Variants in RNFT2 observed in about 807,000 individuals in gnomAD.
RNFT2 encodes the protein E3 ubiquitin-protein ligase RNFT2.
Under a neutral mutation model 53.0 loss-of-function variants are expected in RNFT2, and 36 were observed. That is an observed-to-expected ratio of 0.68 (90% CI 0.52 to 0.90). The LOEUF (loss-of-function observed/expected upper bound fraction) is 0.90. Among genes scored for constraint, RNFT2 ranks in the 40% least tolerant of loss-of-function variants. The pLI is 0.00. For synonymous variants in RNFT2, 260 were observed against 253.2 expected (o/e 1.03, Z -0.26); for missense variants, 514 against 585.6 (o/e 0.88, Z 1.26).
intron 5 of RNFT2, 74 bp from the exon 6 acceptor site, chr12:116,766,740 A>G: frequency 8.8e-7 from 1 of 1,135,542 alleles, no homozygotes; most frequent in Non-Finnish European, 1.3e-6. Context: ...AAAAGCTGCC[A>G]GTCATCAGGG....
intron 7 of RNFT2, among the ~76,000 whole-genome samples, chr12:116,821,331 G>T (rs1212193252): frequency 6.6e-6 from 1 of 152,054 alleles, no homozygotes; most frequent in African/African-American, 2.4e-5. Flanking sequence ...CTGCTGTGAA[G>T]TCAGTGGTCC....
At chr12:116,832,247 G>A (rs188375283) in intron 7 of RNFT2, among the ~76,000 whole-genome samples, 3 of 150,420 alleles carry the variant, frequency 2.0e-5, no homozygotes, top group Middle Eastern at 3.4e-3. Flanking sequence ...GACGACCAGG[G>A]ATCTGATTTC....
At chr12:116,743,245 C>CAAAAAAAAAAAAAAAAAAAAAAAAAAAAA (rs1491208112) in intron 3 of RNFT2, among the ~76,000 whole-genome samples, 1 of 27,190 alleles carries the variant, frequency 3.7e-5, no homozygotes, top group Non-Finnish European at 6.6e-5. Context: ...AAAAAAAAAA[C>CAAAAAAAAAAAAAAAAAAAAAAAAAAAAA]CGGTTAAAAA....
intron 7 of RNFT2, among the ~76,000 whole-genome samples, chr12:116,823,990 G>A (rs1333112255): frequency 1.3e-5 from 2 of 152,102 alleles, no homozygotes; most frequent in Non-Finnish European, 2.9e-5. Context: ...TTCAAATTCA[G>A]GTCATCTGAC....
chr12:116,777,359 CT>C (rs1873483395), intron 6 of RNFT2, among the ~76,000 whole-genome samples: 1 of 152,164 alleles, frequency 6.6e-6, no homozygotes, highest in South Asian at 2.1e-4. Flanking sequence ...GAACATCCCC[CT>C]CTTGGGGGAT....
chr12:116,763,797 G>T (rs962051665), intron 5 of RNFT2, among the ~76,000 whole-genome samples: 2 of 149,584 alleles, frequency 1.3e-5, no homozygotes, highest in Non-Finnish European at 3.0e-5. Flanking sequence ...AAGGGGGCGG[G>T]GGGGGAAAGA....
chr12:116,822,147 C>G (rs965157112), intron 7 of RNFT2, among the ~76,000 whole-genome samples: 1 of 152,018 alleles, frequency 6.6e-6, no homozygotes, highest in Non-Finnish European at 1.5e-5. Context: ...CCTCCTTCAA[C>G]CAGAGGAACC....
At chr12:116,791,227 A>C (rs1874216489) in intron 7 of RNFT2, among the ~76,000 whole-genome samples, 1 of 152,100 alleles carries the variant, frequency 6.6e-6, no homozygotes, top group African/African-American at 2.4e-5. Flanking sequence ...ATAATACCCT[A>C]TGTGGCCTTT....
At chr12:116,827,709 C>T in intron 7 of RNFT2, among the ~76,000 whole-genome samples, 1 of 152,222 alleles carries the variant, frequency 6.6e-6, no homozygotes, top group East Asian at 1.9e-4. Flanking sequence ...GTATGGCCTG[C>T]AAAGGCTAAG....
chr12:116,811,211 G>A (rs1875355777), intron 7 of RNFT2, among the ~76,000 whole-genome samples: 1 of 151,936 alleles, frequency 6.6e-6, no homozygotes, highest in African/African-American at 2.4e-5. Flanking sequence ...TCAAGTCCAG[G>A]TGGGCAACAT....
chr12:116,829,858 G>A (rs1471894833), intron 7 of RNFT2, among the ~76,000 whole-genome samples: 1 of 152,096 alleles, frequency 6.6e-6, no homozygotes, highest in Non-Finnish European at 1.5e-5. Context: ...TGGGATTACA[G>A]GTGTGAGCCA....
intron 7 of RNFT2, among the ~76,000 whole-genome samples, chr12:116,791,022 G>A (rs1566082408): frequency 2.0e-5 from 3 of 152,188 alleles, no homozygotes; most frequent in Admixed American, 6.5e-5. Flanking sequence ...GCCATTCAGT[G>A]GCGTTTAGTA....
chr12:116,805,408 T>C (rs1874997271), intron 7 of RNFT2, among the ~76,000 whole-genome samples: 2 of 152,156 alleles, frequency 1.3e-5, no homozygotes, highest in African/African-American at 4.8e-5. Flanking sequence ...CTGGAAAGTC[T>C]GAAATCTGCA....
chr12:116,794,689 A>AGGGAGGGAGGGAGGGC, intron 7 of RNFT2, among the ~76,000 whole-genome samples: 1 of 70,158 alleles, frequency 1.4e-5, no homozygotes, highest in East Asian at 5.4e-4. Context: ...GGAGGGAGGG[A>AGGGAGGGAGGGAGGGC]GGGAAGGGAA....
chr12:116,820,965 C>T (rs1875983267), intron 7 of RNFT2, among the ~76,000 whole-genome samples: 1 of 152,138 alleles, frequency 6.6e-6, no homozygotes, highest in African/African-American at 2.4e-5. Context: ...GTCTCCCACT[C>T]TGTTCTTCCC....
chr12:116,849,498 G>GA lies in RNFT2; in HGVS notation c.*51dup. 1.3e-6 allele frequency: 2 copies of GA among 1,539,456 alleles called. No individual in the cohort carries two copies. The highest frequency in any genetic ancestry group is 2.4e-5 in the South Asian group (2 of 84,090). On this transcript the variant is annotated 3_prime_UTR_variant, in exon 11 of 11. Transcript: ENST00000257575. ...AGGACGCCAAGGGTCAGCATGCCCG[G>GA]ACCCAGCCCTGCGGGGGCTTCCTGA...
intron 7 of RNFT2, among the ~76,000 whole-genome samples, chr12:116,808,976 G>A (rs1323684398): frequency 6.6e-6 from 1 of 152,174 alleles, no homozygotes; most frequent in Non-Finnish European, 1.5e-5. Flanking sequence ...GCTGCCATCA[G>A]CCCCTTTTAG....
At chr12:116,825,567 A>G (rs1876280994) in intron 7 of RNFT2, among the ~76,000 whole-genome samples, 1 of 152,234 alleles carries the variant, frequency 6.6e-6, no homozygotes, top group South Asian at 2.1e-4. Context: ...TTTTACTGAC[A>G]TGTGAGAGCC....
intron 5 of RNFT2, among the ~76,000 whole-genome samples, chr12:116,765,142 G>T (rs985017804): frequency 1.3e-5 from 2 of 152,150 alleles, no homozygotes; most frequent in African/African-American, 4.8e-5. Flanking sequence ...GATTAGGAGA[G>T]AACTACCTCC....
Sources: allele counts gnomAD v4.1 joint callset (sites outside exome capture counted in the v4.1 genomes callset), GRCh38; gene constraint gnomAD v4.1.1; transcripts MANE v1.5; gene names NCBI Gene and HGNC (gene_info 2026-07-23, HGNC 2026-07-21).